Variants in ABI3BP observed in about 807,000 individuals in gnomAD.
ABI3BP encodes the protein target of Nesh-SH3.
Under a neutral mutation model 268.6 loss-of-function variants are expected in ABI3BP, and 216 were observed. That is an observed-to-expected ratio of 0.80 (90% CI 0.72 to 0.90). ABI3BP has a LOEUF of 0.90. Among genes scored for constraint, ABI3BP ranks in the 40% least tolerant of loss-of-function variants. The pLI is 0.00. For missense variants in ABI3BP, 2,090 were observed against 2,182.4 expected, an observed-to-expected ratio of 0.96 and a Z score of 0.84; for synonymous variants, 730 against 730.0, an observed-to-expected ratio of 1.00 and a Z score of 0.00.
intron 61 of ABI3BP, among the ~76,000 whole-genome samples, chr3:100,773,673 G>T (rs2096619490): frequency 6.6e-6 from 1 of 152,176 alleles, no homozygotes; most frequent in South Asian, 2.1e-4. Flanking sequence ...TATCAGTAAT[G>T]TAAAAGAAAT....
In ABI3BP at chr3:100,750,083, G is replaced by A; in HGVS notation, c.*412C>T. On this transcript the variant is annotated 3_prime_UTR_variant, in exon 68 of 68. Coordinates refer to ENST00000471714, the MANE Select transcript of ABI3BP (RefSeq NM_001375547.2). ...GATCCAATAAGTTAAACTAAGTAGA[G>A]ATTTATGGAATTAACTCATCAATAG... The A allele has an allele frequency of 4.1e-6, 1 of 242,228 alleles. No homozygotes were observed. Among genetic ancestry groups the A allele is most frequent in the Non-Finnish European group, 7.8e-6 (1 of 128,344 alleles). 15.0% of individuals were successfully genotyped at this position (242,228 alleles called of 1,614,324 possible). A position where few individuals can be genotyped will look rare whatever the true frequency, so the allele number is the denominator to read the frequency against.
At chr3:100,757,442 C>T (rs2095680571) in intron 63 of ABI3BP, among the ~76,000 whole-genome samples, 1 of 152,138 alleles carries the variant, frequency 6.6e-6, no homozygotes, top group Admixed American at 6.5e-5. Flanking sequence ...TGACATTTGA[C>T]TTTTTAACAG....
chr3:100,780,778 T>A (rs1276238141), intron 57 of ABI3BP, among the ~76,000 whole-genome samples: 2 of 152,234 alleles, frequency 1.3e-5, no homozygotes, highest in African/African-American at 4.8e-5. Context: ...TCAAAATTAC[T>A]GTTTGAAAGA....
chr3:100,960,723 C>CCACA (rs750873235), intron 1 of ABI3BP, among the ~76,000 whole-genome samples: 2 of 152,160 alleles, frequency 1.3e-5, no homozygotes, highest in African/African-American at 2.4e-5. Context: ...AGGAAGGGAA[C>CCACA]CACATGACAA....
At chr3:100,990,357 A>G (rs2092717230) in intron 1 of ABI3BP, among the ~76,000 whole-genome samples, 1 of 152,112 alleles carries the variant, frequency 6.6e-6, no homozygotes, top group Admixed American at 6.6e-5. Flanking sequence ...TACCAATGAG[A>G]AAACTGAGGC....
intron 63 of ABI3BP, among the ~76,000 whole-genome samples, chr3:100,762,542 A>G (rs1178251190): frequency 1.3e-5 from 2 of 152,124 alleles, no homozygotes; most frequent in African/African-American, 4.8e-5. Flanking sequence ...TGCTTTTTTT[A>G]TGATCTCCAA....
At chr3:100,920,061 G>A (rs1426304452) in intron 2 of ABI3BP, among the ~76,000 whole-genome samples, 1 of 152,154 alleles carries the variant, frequency 6.6e-6, no homozygotes, top group Admixed American at 6.5e-5. Context: ...TGTTTTGAGA[G>A]TTGACCCTGA....
chr3:100,896,263 T>C (rs1341588982), intron 4 of ABI3BP, among the ~76,000 whole-genome samples: 1 of 152,200 alleles, frequency 6.6e-6, no homozygotes. Flanking sequence ...ATGGTCTGAA[T>C]AGCTTGGGCC....
At chr3:100,911,828 C>T in intron 2 of ABI3BP, 2 of 1,591,036 alleles carry the variant, frequency 1.3e-6, no homozygotes, top group Non-Finnish European at 1.7e-6. Flanking sequence ...AATGCTCCTG[C>T]AAGTTTTTGT....
At chr3:100,822,451 G>T in intron 38 of ABI3BP, 138 bp downstream of exon 38, 1 of 655,590 alleles carries the variant, frequency 1.5e-6, no homozygotes, top group Non-Finnish European at 2.6e-6. Context: ...CATCTTCACA[G>T]TGGGATCTGC....
intron 63 of ABI3BP, among the ~76,000 whole-genome samples, chr3:100,759,601 G>T (rs906668632): frequency 2.0e-5 from 3 of 152,144 alleles, no homozygotes; most frequent in Non-Finnish European, 4.4e-5. Context: ...TAATTCTGTG[G>T]TACTGTTATC....
Position 100,828,378 on chromosome 3 carries a change from A to G in ABI3BP, c.2602+15T>C, listed in dbSNP as rs1560517849. 1.3e-6 allele frequency: 2 copies of G among 1,529,512 alleles called. No homozygotes were observed. Among genetic ancestry groups the G allele is most frequent in the Non-Finnish European group, 1.8e-6 (2 of 1,141,136 alleles). 94.7% of individuals were successfully genotyped at this position (1,529,512 alleles called of 1,614,324 possible). On this transcript the variant is annotated intron_variant, in intron 34 of 67. Transcript: ENST00000471714. ...GCAGAAAAAGCACTTGCTGAAGATC[A>G]AAAAGTGGCATTACCGAATGTTGTC...
At chr3:100,820,134 C>T (rs926946005) in intron 40 of ABI3BP, 86 bp downstream of exon 40, 17 of 1,183,668 alleles carry the variant, frequency 1.4e-5, no homozygotes, top group Non-Finnish European at 1.9e-5. Flanking sequence ...GGTACTCACA[C>T]AGGCCATCAC....
At chr3:100,778,488 G>A (rs1273672487) in intron 58 of ABI3BP, 112 bp from the exon 59 acceptor site, 1 of 879,140 alleles carries the variant, frequency 1.1e-6, no homozygotes, top group Non-Finnish European at 1.7e-6. Context: ...TTAGCAGTTG[G>A]ATGACAGAGA....
chr3:100,950,178 A>G (rs1050545877), intron 1 of ABI3BP, among the ~76,000 whole-genome samples: 15 of 152,296 alleles, frequency 9.8e-5, no homozygotes, highest in African/African-American at 1.4e-4. Flanking sequence ...GTTTATATCC[A>G]GACTATAAGC....
intron 9 of ABI3BP, among the ~76,000 whole-genome samples, chr3:100,874,398 TTA>T (rs909465432): frequency 1.3e-5 from 2 of 152,216 alleles, no homozygotes; most frequent in African/African-American, 4.8e-5. Context: ...CTCTTATGTT[TTA>T]TGTTTTTTAA....
At chr3:100,842,854 T>C (rs1283125599) in intron 20 of ABI3BP, among the ~76,000 whole-genome samples, 1 of 152,190 alleles carries the variant, frequency 6.6e-6, no homozygotes, top group Non-Finnish European at 1.5e-5. Context: ...GAATTGTTTA[T>C]TTTTGAAATG....
chr3:100,993,239 A>C, intron 1 of ABI3BP, 67 bp downstream of exon 1: 1 of 1,167,658 alleles, frequency 8.6e-7, no homozygotes, highest in East Asian at 2.6e-5. Flanking sequence ...ATCATATTTA[A>C]AATCAACATT....
At chr3:100,981,710 A>G (rs1314901543) in intron 1 of ABI3BP, among the ~76,000 whole-genome samples, 1 of 152,200 alleles carries the variant, frequency 6.6e-6, no homozygotes, top group Non-Finnish European at 1.5e-5. Context: ...GAGCTGGATG[A>G]GAGTACAGGA....
Sources: allele counts gnomAD v4.1 joint callset (sites outside exome capture counted in the v4.1 genomes callset), GRCh38; gene constraint gnomAD v4.1.1; transcripts MANE v1.5; gene names NCBI Gene and HGNC (gene_info 2026-07-23, HGNC 2026-07-21).